Variants in ZFHX3 observed in about 807,000 individuals in gnomAD.
The protein encoded by ZFHX3 is zinc finger homeobox 3, also known as zinc finger homeobox protein 3.
A neutral mutation model predicts 279.1 loss-of-function variants in ZFHX3; 42 were observed. The observed-to-expected ratio is 0.15, with a 90% CI of 0.12 to 0.19. The LOEUF (loss-of-function observed/expected upper bound fraction) is 0.19. Among genes scored for constraint, ZFHX3 ranks in the 10% least tolerant of loss-of-function variants. ZFHX3 has a pLI of 1.00. For synonymous variants in ZFHX3, 2,293 were observed against 1,957.8 expected (o/e 1.17, Z -4.52); for missense variants, 4,981 against 4,754.0 (o/e 1.05, Z -1.40).
chr16:72,968,645 TAG>T (rs1299428582), intron 1 of ZFHX3, among the ~76,000 whole-genome samples: 2 of 151,930 alleles, frequency 1.3e-5, no homozygotes, highest in Admixed American at 6.6e-5. Context: ...ATATTTTTAA[TAG>T]AGACAGGGTT....
At chr16:73,806,066 G>A (rs757687801) in intron 1 of ZFHX3, among the ~76,000 whole-genome samples, 4 of 152,230 alleles carry the variant, frequency 2.6e-5, no homozygotes. Context: ...AGGGTGGCAG[G>A]AGACAGAATG....
chr16:72,946,089 G>A (rs970617263), intron 3 of ZFHX3, among the ~76,000 whole-genome samples: 6 of 152,182 alleles, frequency 3.9e-5, no homozygotes, highest in Admixed American at 6.5e-5. Flanking sequence ...TGAAAAGATG[G>A]GTTCTAAAGC....
At chr16:73,860,129 A>G (rs1173649996) in intron 1 of ZFHX3, among the ~76,000 whole-genome samples, 1 of 152,186 alleles carries the variant, frequency 6.6e-6, no homozygotes, top group Non-Finnish European at 1.5e-5. Flanking sequence ...AAGCGAGACC[A>G]TCCTGACGTG....
intron 3 of ZFHX3, among the ~76,000 whole-genome samples, chr16:72,893,760 A>G (rs2038827649): frequency 6.6e-6 from 1 of 152,212 alleles, no homozygotes; most frequent in Non-Finnish European, 1.5e-5. Flanking sequence ...TGGTCCAGTG[A>G]ACACCTAGGG....
At chr16:73,350,055 A>G (rs78457921) in intron 3 of ZFHX3, among the ~76,000 whole-genome samples, 2,552 of 151,778 alleles carry the variant, frequency 0.017, 75 homozygotes, top group African/African-American at 0.058. Context: ...TTGTGTAGGG[A>G]AAGTCACCTT....
rs767597004 is a variant in ZFHX3, at chr16:72,795,055, C to G, written c.7627G>C (p.Glu2543Gln). The stretch of plus-strand genomic sequence containing the variant: ...AGCTGCTGATGCTCCTGCCAGTGCT[C>G]AAATGACGGAAATGCCAACTTACAC... ...DQCKLAFPSF[E>Q]HWQEHQQLHF... Residue 2543 changes from glutamate (E) to glutamine (Q), a missense_variant, in exon 9 of 10, where the codon GAG (glutamate) becomes CAG (glutamine). This residue lies in a region of ZFHX3 where 744 missense variants were observed against 701.3 expected (regional missense o/e 1.06). Coordinates refer to ENST00000268489, the MANE Select transcript of ZFHX3 (RefSeq NM_006885.4). 1 of 1,614,096 alleles carries G rather than the reference C, an allele frequency of 6.2e-7. No homozygotes were observed. The highest frequency in any genetic ancestry group is 1.7e-5 in the Admixed American group (1 of 60,018).
At chr16:73,777,869 A>G (rs1486728094) in intron 1 of ZFHX3, among the ~76,000 whole-genome samples, 1 of 152,100 alleles carries the variant, frequency 6.6e-6, no homozygotes, top group Non-Finnish European at 1.5e-5. Context: ...CTCTGTAGCT[A>G]AAGGGAGTAT....
intron 4 of ZFHX3, among the ~76,000 whole-genome samples, chr16:72,845,608 C>A (rs1597303200): frequency 1.3e-5 from 2 of 152,304 alleles, no homozygotes; most frequent in East Asian, 3.9e-4. Context: ...GTTCTGGCTG[C>A]CATCTTCTTT....
At chr16:73,621,017 T>C (rs941840338) in intron 2 of ZFHX3, among the ~76,000 whole-genome samples, 11 of 152,218 alleles carry the variant, frequency 7.2e-5, no homozygotes, top group Admixed American at 7.2e-4. Flanking sequence ...ATGGGGATCG[T>C]AGCATCCATC....
At chr16:73,643,873 C>T (rs1487378069) in intron 2 of ZFHX3, among the ~76,000 whole-genome samples, 1 of 152,156 alleles carries the variant, frequency 6.6e-6, no homozygotes, top group African/African-American at 2.4e-5. Flanking sequence ...CCCATTCCAC[C>T]CTTCTCTCCT....
intron 7 of ZFHX3, among the ~76,000 whole-genome samples, chr16:72,810,105 C>T (rs548189885): frequency 3.2e-4 from 48 of 152,090 alleles, no homozygotes; most frequent in African/African-American, 1.1e-3. Context: ...AGGATGGTCT[C>T]GATCTCCTGA....
Position 73,265,078 on chromosome 16 carries a change from C to CATGTGT in ZFHX3, c.-1193-7943_-1193-7942insACACAT, listed in dbSNP as rs143539675. Among the ~76,000 whole-genome samples, 63 of 145,980 alleles carry CATGTGT rather than the reference C, an allele frequency of 4.3e-4. 1 individual carries two copies. Among genetic ancestry groups the CATGTGT allele is most frequent in the Admixed American group, 1.2e-3 (17 of 14,618 alleles). Reference sequence around the variant, plus strand: ...ATAATAGCACCTCAGCGCATATATGCGTGTGTGTGTGTGTGTGTGTGTGTG... The same window carrying CATGTGT: ...ATAATAGCACCTCAGCGCATATATGCATGTGTGTGTGTGTGTGTGTGTGTGTGTGTG... On this transcript the variant is annotated intron_variant, in intron 4 of 17. Transcript: ENST00000641206.
Position 73,274,155 on chromosome 16 carries a change from A to C in ZFHX3, c.-1193-17019T>G, listed in dbSNP as rs187498246. Reference sequence around the variant, plus strand: ...TGAAACTCTGTCTCAGGAAAAAAAAAGTGTAATAGTTATTACCAAATTGCC... The same window carrying C: ...TGAAACTCTGTCTCAGGAAAAAAAACGTGTAATAGTTATTACCAAATTGCC... On this transcript the variant is annotated intron_variant, in intron 4 of 17. Coordinates refer to the ZFHX3 transcript ENST00000641206. 4.6e-5 allele frequency among the ~76,000 whole-genome samples: 7 copies of C among 152,318 alleles called. No individual in the cohort carries two copies. In the East Asian group the frequency reaches 1.4e-3, roughly 29 times the overall value.
intron 1 of ZFHX3, among the ~76,000 whole-genome samples, chr16:73,772,556 G>A (rs1360135384): frequency 6.6e-6 from 1 of 152,170 alleles, no homozygotes; most frequent in Non-Finnish European, 1.5e-5. Context: ...CGTTTGGGTG[G>A]TCATCTACTT....
intron 4 of ZFHX3, among the ~76,000 whole-genome samples, chr16:73,260,908 T>C (rs1172220852): frequency 6.6e-6 from 1 of 152,114 alleles, no homozygotes; most frequent in African/African-American, 2.4e-5. Context: ...GGTCTCGAAC[T>C]CCTGACCTCA....
At chr16:73,834,968 G>A (rs1263792899) in intron 1 of ZFHX3, among the ~76,000 whole-genome samples, 2 of 152,184 alleles carry the variant, frequency 1.3e-5, no homozygotes, top group African/African-American at 4.8e-5. Context: ...ACCTAGGCAA[G>A]ATTTTGCAGT....
rs954592824 is a variant in ZFHX3 at position 72,968,134 on chromosome 16, G to C, written c.-49-7940C>G. Among the ~76,000 whole-genome samples, 5 of 151,934 alleles carry C rather than the reference G, an allele frequency of 3.3e-5. No individual in the cohort carries two copies. In the East Asian group the frequency reaches 9.7e-4, roughly 29 times the overall value. ...ACAGACGTCATGTGCCTCCTGGTAG[G>C]ATACACCGAGAGGAACACAACATCC... On this transcript the variant is annotated intron_variant, in intron 1 of 9. Transcript: ENST00000268489.
rs182354926 is a variant in ZFHX3 at position 73,772,571 on chromosome 16, C to T, written c.-1607-92331G>A. 5.3e-5 allele frequency among the ~76,000 whole-genome samples: 8 copies of T among 152,306 alleles called. No homozygotes were observed. The East Asian group carries it at 1.2e-3, about 22-fold the overall frequency. On this transcript the variant is annotated intron_variant, in intron 1 of 17. Transcript: ENST00000641206. Reference sequence around the variant, plus strand: ...CGTTTGGGTGGTCATCTACTTTCTGCCGTAGGTGTCTTTCAGATATGTCCG... The same window carrying T: ...CGTTTGGGTGGTCATCTACTTTCTGTCGTAGGTGTCTTTCAGATATGTCCG...
At chr16:73,718,447 CAA>C (rs1464169135) in intron 1 of ZFHX3, among the ~76,000 whole-genome samples, 1 of 151,878 alleles carries the variant, frequency 6.6e-6, no homozygotes, top group Non-Finnish European at 1.5e-5. Flanking sequence ...AACAAGCACA[CAA>C]GTCTCTCCCT....
Sources: allele counts gnomAD v4.1 joint callset (sites outside exome capture counted in the v4.1 genomes callset), GRCh38; gene constraint gnomAD v4.1.1; regional missense constraint gnomAD v4.1.1; transcripts MANE v1.5; gene names NCBI Gene and HGNC (gene_info 2026-07-23, HGNC 2026-07-21).